LRRIQ3: variants seen among roughly 807,000 people sequenced by gnomAD.
LRRIQ3 encodes the protein leucine-rich repeat and IQ domain-containing protein 3.
In LRRIQ3, 75 loss-of-function variants were observed where a neutral mutation model predicts 59.3. The ratio of observed to expected loss-of-function variants is 1.26; its 90% CI spans 1.05 to 1.53. The LOEUF (loss-of-function observed/expected upper bound fraction) is 1.53, where lower values mean the gene tolerates loss of function less well. Among genes scored for constraint, LRRIQ3 ranks in the 40% most tolerant of loss-of-function variants. The probability of loss-of-function intolerance (pLI) is 0.00; values close to 1 mark genes in which losing one functional copy is unlikely to be tolerated. For synonymous variants in LRRIQ3, 250 were observed against 231.3 expected (o/e 1.08, Z -0.73); for missense variants, 831 against 710.0 (o/e 1.17, Z -1.94).
rs199507842 is a variant in LRRIQ3, at chr1:74,183,475, A to T, written c.210T>A (p.Ser70Arg). The T allele has an allele frequency of 7.5e-6, 12 of 1,606,942 alleles. No homozygotes were observed. The East Asian group carries it at 2.7e-4, about 36-fold the overall frequency. The change falls in exon 2 of 8, where the codon AGT becomes AGA. Residue 70 changes from serine to arginine, a missense_variant. Coordinates refer to ENST00000354431, the MANE Select transcript of LRRIQ3 (RefSeq NM_001105659.2). ...GATCAAGTTTGATTAATTTTATACA[A>T]CTTTGAAGTGGATGAATATCTGTAA... ...NFITDIHPLQ[S>R]CIKLIKLDLH...
chr1:74,178,491 C>T (rs1163999749), intron 3 of LRRIQ3, among the ~76,000 whole-genome samples: 3 of 151,996 alleles, frequency 2.0e-5, no homozygotes, highest in Admixed American at 1.3e-4. Context: ...GGTAATTATA[C>T]ATATGATTTT....
At chr1:74,173,109 G>C (rs920937989) in intron 3 of LRRIQ3, among the ~76,000 whole-genome samples, 48 of 151,826 alleles carry the variant, frequency 3.2e-4, no homozygotes, top group African/African-American at 1.1e-3. Context: ...AGACCATCCT[G>C]GCCAGCATCC....
chr1:74,173,474 T>C (rs1221626706), intron 3 of LRRIQ3, among the ~76,000 whole-genome samples: 3 of 152,084 alleles, frequency 2.0e-5, no homozygotes, highest in South Asian at 4.1e-4. Flanking sequence ...ATAATTTTTA[T>C]ACTGCTATGC....
chr1:74,197,319 C>T (rs1651248279), intron 1 of LRRIQ3, among the ~76,000 whole-genome samples: 1 of 152,116 alleles, frequency 6.6e-6, no homozygotes, highest in Non-Finnish European at 1.5e-5. Flanking sequence ...ACCACAAGTT[C>T]TGGGTTTGGG....
At chr1:74,118,608 T>A (rs749559483) in intron 4 of LRRIQ3, among the ~76,000 whole-genome samples, 5 of 152,018 alleles carry the variant, frequency 3.3e-5, no homozygotes, top group African/African-American at 1.2e-4. Flanking sequence ...GTAGTATAAG[T>A]TTCAAGAACG....
chr1:74,196,534 T>C (rs2100752895), intron 1 of LRRIQ3, among the ~76,000 whole-genome samples: 1 of 152,250 alleles, frequency 6.6e-6, no homozygotes, highest in African/African-American at 2.4e-5. Context: ...CCATTACATA[T>C]TCACTGCATA....
At chr1:74,031,926 A>G (rs1483502648) in intron 7 of LRRIQ3, among the ~76,000 whole-genome samples, 5 of 152,054 alleles carry the variant, frequency 3.3e-5, no homozygotes, top group Non-Finnish European at 7.4e-5. Context: ...AATGTAATAA[A>G]AGATAGGCAA....
intron 1 of LRRIQ3, among the ~76,000 whole-genome samples, chr1:74,191,357 G>C (rs1650757700): frequency 6.6e-6 from 1 of 152,100 alleles, no homozygotes; most frequent in South Asian, 2.1e-4. Flanking sequence ...TTAAGAAAGA[G>C]TGTTGGGAAA....
intron 7 of LRRIQ3, among the ~76,000 whole-genome samples, chr1:74,039,691 T>C (rs1653984494): frequency 6.6e-6 from 1 of 152,140 alleles, no homozygotes; most frequent in Non-Finnish European, 1.5e-5. Flanking sequence ...AAACTAAGCT[T>C]CATAAGTGAA....
At position 74,109,380 on chromosome 1, in the gene LRRIQ3, C is replaced by G. The variant is rs1224521155; in HGVS notation, c.867+14G>C. 2.2e-5 allele frequency: 31 copies of G among 1,422,868 alleles called. No individual in the cohort carries two copies. Among genetic ancestry groups the G allele is most frequent in the Non-Finnish European group, 2.7e-5 (28 of 1,043,174 alleles). 88.1% of individuals were successfully genotyped at this position (1,422,868 alleles called of 1,614,324 possible). A position where few individuals can be genotyped will look rare whatever the true frequency, so the allele number is the denominator to read the frequency against. The stretch of plus-strand genomic sequence containing the variant: ...ATACATTTCAAATAAAAATAATAAA[C>G]TAATTATACTTACATGTTTCCAATA... On this transcript the variant is annotated intron_variant, in intron 5 of 7. Coordinates refer to ENST00000354431, the MANE Select transcript of LRRIQ3 (RefSeq NM_001105659.2).
chr1:74,183,056 T>A, intron 2 of LRRIQ3, 195 bp from the exon 3 acceptor site: 2 of 384,988 alleles, frequency 5.2e-6, no homozygotes, highest in Non-Finnish European at 4.6e-6. Context: ...CTGAGATAAT[T>A]TATTATTATT....
chr1:74,133,304 C>T (rs552007837), intron 4 of LRRIQ3, among the ~76,000 whole-genome samples: 2 of 152,128 alleles, frequency 1.3e-5, no homozygotes, highest in Admixed American at 6.6e-5. Context: ...GACGGTGTAG[C>T]GATTCCTCAG....
At chr1:74,149,384 T>C (rs1647780032) in intron 4 of LRRIQ3, among the ~76,000 whole-genome samples, 1 of 152,204 alleles carries the variant, frequency 6.6e-6, no homozygotes, top group African/African-American at 2.4e-5. Flanking sequence ...TTTTTATTTC[T>C]TCCTTTGTCA....
intron 4 of LRRIQ3, among the ~76,000 whole-genome samples, chr1:74,152,646 A>T (rs1471151367): frequency 1.3e-5 from 2 of 152,154 alleles, no homozygotes; most frequent in African/African-American, 4.8e-5. Flanking sequence ...GGAAAGAATA[A>T]TCCATATTCT....
chr1:74,099,806 C>T (rs1646504427), intron 5 of LRRIQ3, among the ~76,000 whole-genome samples: 1 of 152,054 alleles, frequency 6.6e-6, no homozygotes, highest in Non-Finnish European at 1.5e-5. Flanking sequence ...AGACAAAAAC[C>T]ACATGATTAT....
chr1:74,130,058 T>C (rs1328752168), intron 4 of LRRIQ3, among the ~76,000 whole-genome samples: 1 of 151,968 alleles, frequency 6.6e-6, no homozygotes, highest in Non-Finnish European at 1.5e-5. Context: ...TGTTGTCTAG[T>C]GTTGGGTGAG....
At position 74,114,525 on chromosome 1, in the gene LRRIQ3, A is replaced by T. The variant is rs568205089; in HGVS notation, c.708-4972T>A. ...GCCGAGGTGGGTAGATCATGAGGTC[A>T]GGAGATCGAGAGCATCCTGGCTAAC... On this transcript the variant is annotated intron_variant, in intron 4 of 7. Transcript: ENST00000354431. Among the ~76,000 whole-genome samples, 12 of 152,198 alleles carry T rather than the reference A, an allele frequency of 7.9e-5. No homozygotes were observed. The South Asian group carries it at 2.5e-3, about 32-fold the overall frequency.
At chr1:74,123,131 C>A (rs1570154613) in intron 4 of LRRIQ3, among the ~76,000 whole-genome samples, 1 of 151,888 alleles carries the variant, frequency 6.6e-6, no homozygotes, top group African/African-American at 2.4e-5. Context: ...TTTTCCATTC[C>A]AACTTTTATT....
rs538088443 is a variant in LRRIQ3 at position 74,112,038 on chromosome 1, G to C, written c.708-2485C>G. On this transcript the variant is annotated intron_variant, in intron 4 of 7. Transcript: ENST00000354431. ...ACGGGGAGAGAATACTGGAGCCCTG[G>C]TAGCCCTTACTCCAGATCACTTGTA... Among the ~76,000 whole-genome samples, 28 of 152,194 alleles carry C rather than the reference G, an allele frequency of 1.8e-4. 1 individual carries two copies. In the South Asian group the frequency reaches 4.6e-3, roughly 25 times the overall value.
Sources: allele counts gnomAD v4.1 joint callset (sites outside exome capture counted in the v4.1 genomes callset), GRCh38; gene constraint gnomAD v4.1.1; transcripts MANE v1.5; gene names NCBI Gene and HGNC (gene_info 2026-07-23, HGNC 2026-07-21).